Variants in HEATR3 observed in about 807,000 individuals in gnomAD.
HEATR3 encodes the protein HEAT repeat-containing protein 3.
HEATR3 carries 56 observed loss-of-function variants against 72.8 expected under a neutral mutation model. The ratio of observed to expected loss-of-function variants is 0.77; its 90% confidence interval spans 0.62 to 0.96. The LOEUF is 0.96. HEATR3 is among the 40% of genes least tolerant of loss of function. HEATR3 has a pLI of 0.00. For missense variants in HEATR3, 747 were observed against 831.4 expected, an observed-to-expected ratio of 0.90 and a Z score of 1.25; for synonymous variants, 331 against 318.1, an observed-to-expected ratio of 1.04 and a Z score of -0.43.
chr16:50,102,712 C>A (rs2037395929), intron 14 of HEATR3, among the ~76,000 whole-genome samples: 1 of 152,072 alleles, frequency 6.6e-6, no homozygotes, highest in African/African-American at 2.4e-5. Flanking sequence ...CAGTATTATA[C>A]TCTGTATTTT....
chr16:50,082,648 A>G (rs1318830328), intron 7 of HEATR3, among the ~76,000 whole-genome samples: 1 of 150,328 alleles, frequency 6.7e-6, no homozygotes, highest in African/African-American at 2.4e-5. Context: ...GGGGCTGGAC[A>G]TGGTGCTCAT....
At chr16:50,075,255 TGTA>T (rs2036699074) in intron 5 of HEATR3, among the ~76,000 whole-genome samples, 1 of 147,996 alleles carries the variant, frequency 6.8e-6, no homozygotes, top group Non-Finnish European at 1.5e-5. Flanking sequence ...AGGCAGAGGT[TGTA>T]GTGAGCTGAG....
At chr16:50,086,449 G>A in intron 11 of HEATR3, 98 bp downstream of exon 11, 2 of 1,304,304 alleles carry the variant, frequency 1.5e-6, no homozygotes, top group Non-Finnish European at 1.0e-6. Flanking sequence ...GTCATCCAAT[G>A]TGCAGAAACC....
chr16:50,105,329 G>A lies in HEATR3; in HGVS notation c.*268G>A, dbSNP rs1391145305. On this transcript the variant is annotated 3_prime_UTR_variant, in exon 15 of 15. Coordinates refer to ENST00000299192, the MANE Select transcript of HEATR3 (RefSeq NM_182922.4). Reference sequence around the variant, plus strand: ...TGAAACCGCATGCATAAGCATGGTGGCACATGCCTGTGATCCCAGCTACTC... The same window carrying A: ...TGAAACCGCATGCATAAGCATGGTGACACATGCCTGTGATCCCAGCTACTC... The A allele has an allele frequency of 5.8e-6, 2 of 345,630 alleles. No individual in the cohort carries two copies. The highest frequency in any genetic ancestry group is 2.6e-5 in the South Asian group (1 of 38,484). 21.4% of individuals were successfully genotyped at this position (345,630 alleles called of 1,614,324 possible). A position where few individuals can be genotyped will look rare whatever the true frequency, so the allele number is the denominator to read the frequency against.
At chr16:50,078,548 A>G (rs1334362214) in intron 6 of HEATR3, among the ~76,000 whole-genome samples, 193 bp from the exon 7 acceptor site, 1 of 152,162 alleles carries the variant, frequency 6.6e-6, no homozygotes, top group Non-Finnish European at 1.5e-5. Flanking sequence ...AAGGGAGATG[A>G]TTGTGCAGGG....
rs1325140902 is a variant in HEATR3, at chr16:50,107,057, G to A, written c.*1996G>A. On this transcript the variant is annotated 3_prime_UTR_variant, in exon 15 of 15. Coordinates refer to ENST00000299192, the MANE Select transcript of HEATR3 (RefSeq NM_182922.4). ...GCCCAAGCATGTCTCCTTGGAGAAC[G>A]ACTCTTCCAAAAAAGAAAGTATTAG... Among the ~76,000 whole-genome samples, 1 of 152,040 alleles carries A rather than the reference G, an allele frequency of 6.6e-6. No homozygotes were observed. The highest frequency in any genetic ancestry group is 1.5e-5 in the Non-Finnish European group (1 of 68,002).
At chr16:50,066,628 C>T (rs2036503504) in intron 2 of HEATR3, 89 bp downstream of exon 2, 2 of 1,170,266 alleles carry the variant, frequency 1.7e-6, no homozygotes, top group South Asian at 7.0e-5. Context: ...CCAGCGCCTT[C>T]TGTGTGCCAT....
At position 50,086,370 on chromosome 16, in the gene HEATR3, G is replaced by A. The variant is rs763254913; in HGVS notation, c.1510+19G>A. On this transcript the variant is annotated intron_variant, in intron 11 of 14. Coordinates refer to ENST00000299192, the MANE Select transcript of HEATR3 (RefSeq NM_182922.4). The stretch of plus-strand genomic sequence containing the variant: ...CAACCAGGTATTTAGACTTTATTGC[G>A]AAAGACTACGCAGACGGAACAGAAT... 42 of 1,599,912 alleles carry A rather than the reference G, an allele frequency of 2.6e-5. No individual in the cohort carries two copies. Among genetic ancestry groups the A allele is most frequent in the South Asian group, 1.5e-4 (13 of 88,774 alleles).
intron 7 of HEATR3, among the ~76,000 whole-genome samples, chr16:50,080,768 A>G (rs912895313): frequency 9.9e-5 from 15 of 152,106 alleles, no homozygotes; most frequent in African/African-American, 3.6e-4. Flanking sequence ...ATGGTACCCA[A>G]CCTGTTTCAT....
At position 50,084,656 on chromosome 16, in the gene HEATR3, G is replaced by T; in HGVS notation, c.1373+5G>T. ...TTGGAAACCTTTGATTAGAAAGTAA[G>T]AACTCTTCTGCTTTCAAAAACATTT... On this transcript the variant is annotated splice_donor_5th_base_variant and intron_variant, in intron 10 of 14. Transcript: ENST00000299192. The T allele has an allele frequency of 6.4e-7, 1 of 1,564,558 alleles. No homozygotes were observed.
At chr16:50,070,318 T>G (rs760099639) in intron 4 of HEATR3, 28 bp downstream of exon 4, 1 of 1,163,110 alleles carries the variant, frequency 8.6e-7, no homozygotes, top group African/African-American at 1.5e-5. Flanking sequence ...CACAGTCTCC[T>G]GCTATAGCAG....
chr16:50,068,719 G>A (rs1450453356), intron 2 of HEATR3, 61 bp from the exon 3 acceptor site: 1 of 1,127,208 alleles, frequency 8.9e-7, no homozygotes, highest in Non-Finnish European at 1.3e-6. Flanking sequence ...AATGTGAGAG[G>A]GTAGAAGTGT....
At chr16:50,076,337 G>A (rs562013359) in intron 6 of HEATR3, among the ~76,000 whole-genome samples, 67 of 151,864 alleles carry the variant, frequency 4.4e-4, no homozygotes, top group African/African-American at 1.4e-3. Flanking sequence ...ACAAGCGTGC[G>A]CCACCACGCT....
chr16:50,093,633 T>TA (rs1435440410), intron 11 of HEATR3, among the ~76,000 whole-genome samples: 1 of 152,128 alleles, frequency 6.6e-6, no homozygotes, highest in African/African-American at 2.4e-5. Context: ...GGCTGAGAAA[T>TA]ACTAGTCTAG....
intron 6 of HEATR3, among the ~76,000 whole-genome samples, chr16:50,076,980 G>C: frequency 7.0e-6 from 1 of 143,710 alleles, no homozygotes; most frequent in East Asian, 2.1e-4. Flanking sequence ...CCATTCTCCT[G>C]CCTCAGCCTC....
intron 12 of HEATR3, among the ~76,000 whole-genome samples, chr16:50,097,775 T>C (rs543291649): frequency 1.9e-4 from 29 of 151,806 alleles, no homozygotes; most frequent in African/African-American, 6.5e-4. Flanking sequence ...ATTAGCTGGG[T>C]GTGGTGGCAC....
chr16:50,078,990 G>A lies in HEATR3; in HGVS notation c.1013G>A (p.Arg338Lys), dbSNP rs762444012. ...EGISHKRRVR[R>K]KTFVSDLLPP... Reference sequence around the variant, plus strand: ...ATTTCTCATAAAAGAAGAGTCAGAAGGAAAACTTTCGTTTCAGATTTACTT... The same window carrying A: ...ATTTCTCATAAAAGAAGAGTCAGAAAGAAAACTTTCGTTTCAGATTTACTT... The change falls in exon 7 of 15, where the codon AGG becomes AAG. Residue 338 changes from arginine to lysine, a missense_variant. Transcript: ENST00000299192. 23 of 1,612,666 alleles carry A rather than the reference G, an allele frequency of 1.4e-5. No individual in the cohort carries two copies. In the East Asian group the frequency reaches 5.1e-4, roughly 36 times the overall value.
At chr16:50,078,338 G>A (rs971953509) in intron 6 of HEATR3, among the ~76,000 whole-genome samples, 3 of 152,104 alleles carry the variant, frequency 2.0e-5, no homozygotes, top group Non-Finnish European at 2.9e-5. Flanking sequence ...CTACTCTCAT[G>A]TTTATATGTC....
Position 50,081,607 on chromosome 16 carries a change from G to A in HEATR3, c.1042-2330G>A, listed in dbSNP as rs574976238. Among the ~76,000 whole-genome samples, 4 of 152,306 alleles carry A rather than the reference G, an allele frequency of 2.6e-5. No homozygotes were observed. The South Asian group carries it at 8.3e-4, about 32-fold the overall frequency. On this transcript the variant is annotated intron_variant, in intron 7 of 14. Transcript: ENST00000299192. ...GGATGATTAACATGCTAGTCGGTCAGCCAGCCAGTGTTTAAGTGCCAGTAG... is the reference window on the plus strand; with the variant it reads ...GGATGATTAACATGCTAGTCGGTCAACCAGCCAGTGTTTAAGTGCCAGTAG...
Sources: gnomAD v4.1 joint callset for allele counts (sites outside exome capture counted in the v4.1 genomes callset) on GRCh38, gnomAD v4.1.1 for gene constraint, MANE v1.5 for transcripts, NCBI Gene and HGNC (gene_info 2026-07-23, HGNC 2026-07-21) for gene names.